The following PLPP3 variants were observed in gnomAD, a reference collection of about 807,000 sequenced individuals.
The protein encoded by PLPP3 is PAP2 beta.
PLPP3 carries 6 observed loss-of-function variants against 29.6 expected under a neutral mutation model. That is an observed-to-expected ratio of 0.20 (90% CI 0.11 to 0.40). The LOEUF is 0.40. Among genes scored for constraint, PLPP3 ranks in the 10% least tolerant of loss-of-function variants. The pLI, the probability that PLPP3 is intolerant of heterozygous loss-of-function variation, is 1.00. For synonymous variants in PLPP3, 152 were observed against 159.7 expected, an observed-to-expected ratio of 0.95 and a Z score of 0.36; for missense variants, 308 against 407.7, an observed-to-expected ratio of 0.76 and a Z score of 2.11.
intron 4 of PLPP3, among the ~76,000 whole-genome samples, chr1:56,523,590 G>A (rs940088328): frequency 6.6e-6 from 1 of 152,152 alleles, no homozygotes; most frequent in African/African-American, 2.4e-5. Flanking sequence ...TGCTTATCAA[G>A]CAGCTATGGC....
chr1:56,524,300 A>G lies in PLPP3; in HGVS notation c.552T>C (p.Asp184=), dbSNP rs779974600. ...ACCTGGCTTCCTGGACTTTGCTGTC[A>G]TCACCTCTGCATCTGTAGTTCTGAA... The part of the protein sequence containing the change: ...GYIQNYRCRG[D]DSKVQEARKS... Residue 184 remains aspartate (D), a synonymous_variant, in exon 3 of 6, where the codon GAT becomes GAC. Transcript: ENST00000371250. This position sits in a 1 kb window ranked among gnomAD's most constrained non-coding sequence, Gnocchi z 4.3. The G allele has an allele frequency of 7.4e-6, 12 of 1,613,712 alleles. No individual in the cohort carries two copies. In the Admixed American group the frequency reaches 2.0e-4, roughly 27 times the overall value.
At chr1:56,517,779 C>T (rs1645791573) in intron 4 of PLPP3, among the ~76,000 whole-genome samples, 1 of 152,228 alleles carries the variant, frequency 6.6e-6, no homozygotes, top group Admixed American at 6.5e-5. Flanking sequence ...GGACAACCTC[C>T]AGGGGACATT....
chr1:56,563,040 T>C (rs998943037), intron 1 of PLPP3, among the ~76,000 whole-genome samples: 6 of 152,242 alleles, frequency 3.9e-5, no homozygotes, highest in Non-Finnish European at 7.3e-5. Context: ...TGGTCCACAG[T>C]GGAGGAAGAG....
At chr1:56,521,463 G>A (rs1273726812) in intron 4 of PLPP3, among the ~76,000 whole-genome samples, 4 of 152,122 alleles carry the variant, frequency 2.6e-5, no homozygotes, top group Non-Finnish European at 5.9e-5. Context: ...TGTGAGTGTT[G>A]AATGTGTGTT....
intron 1 of PLPP3, among the ~76,000 whole-genome samples, chr1:56,564,971 A>G (rs552702180): frequency 6.6e-6 from 1 of 152,250 alleles, no homozygotes; most frequent in Non-Finnish European, 1.5e-5. Context: ...CTTGCTTCCA[A>G]GGAAGACACT....
At chr1:56,516,306 A>G (rs115961060) in intron 4 of PLPP3, among the ~76,000 whole-genome samples, 5 of 152,302 alleles carry the variant, frequency 3.3e-5, no homozygotes, top group Non-Finnish European at 7.4e-5. Context: ...ATCAGTGAGT[A>G]CATTCTGGAG....
intron 2 of PLPP3, among the ~76,000 whole-genome samples, chr1:56,531,636 A>T (rs2100259433): frequency 6.6e-6 from 1 of 152,328 alleles, no homozygotes; most frequent in African/African-American, 2.4e-5. Flanking sequence ...CTAACTAAAT[A>T]AAGAGCACTC....
intron 1 of PLPP3, among the ~76,000 whole-genome samples, chr1:56,569,768 C>A (rs558024893): frequency 6.8e-4 from 104 of 152,156 alleles, no homozygotes; most frequent in Non-Finnish European, 1.3e-3. Flanking sequence ...CCTTTCTTCC[C>A]CCGCACAGTG....
Position 56,579,268 on chromosome 1 carries a change from A to G in PLPP3, c.-252T>C. On this transcript the variant is annotated 5_prime_UTR_variant, in exon 1 of 6. Coordinates refer to ENST00000371250, the MANE Select transcript of PLPP3 (RefSeq NM_003713.5). The stretch of plus-strand genomic sequence containing the variant: ...TAAATCGTTCTAAAGTCCAAGGGGA[A>G]GAGAGCCAGATCCCGAGCAGAAACT... 1 of 461,012 alleles carries G rather than the reference A, an allele frequency of 2.2e-6. No homozygotes were observed. The highest frequency in any genetic ancestry group is 3.8e-6 in the Non-Finnish European group (1 of 263,920). The allele number at this position is 461,012 out of a possible 1,614,324, so 28.6% of individuals were successfully genotyped here. A position where few individuals can be genotyped will look rare whatever the true frequency, so the allele number is the denominator to read the frequency against.
In PLPP3 at chr1:56,495,337, T is replaced by C. The variant is rs545630606; in HGVS notation, c.*1214A>G. On this transcript the variant is annotated 3_prime_UTR_variant, in exon 6 of 6. Coordinates refer to ENST00000371250, the MANE Select transcript of PLPP3 (RefSeq NM_003713.5). ...AGGGGTCCCTGTCTATCACCTAGAGTGGGACCTTGCATGGAAGGACACTTA... is the reference window on the plus strand; with the variant it reads ...AGGGGTCCCTGTCTATCACCTAGAGCGGGACCTTGCATGGAAGGACACTTA... The C allele has an allele frequency of 2.0e-5, 3 of 152,576 alleles. No individual in the cohort carries two copies. In the East Asian group the frequency reaches 5.8e-4, roughly 30 times the overall value. 9.5% of individuals were successfully genotyped at this position (152,576 alleles called of 1,614,324 possible).
At chr1:56,502,126 C>T (rs544262185) in intron 5 of PLPP3, among the ~76,000 whole-genome samples, 2 of 152,254 alleles carry the variant, frequency 1.3e-5, no homozygotes, top group South Asian at 4.2e-4. Flanking sequence ...AGCCAGGTTC[C>T]TCCTTTCATT....
intron 2 of PLPP3, among the ~76,000 whole-genome samples, chr1:56,536,133 C>A (rs1413805286): frequency 6.6e-6 from 1 of 152,146 alleles, no homozygotes; most frequent in Non-Finnish European, 1.5e-5. Context: ...GTATAGCGGG[C>A]TCCTTTGAAG....
chr1:56,575,762 G>A (rs1031802711), intron 1 of PLPP3, among the ~76,000 whole-genome samples: 3 of 152,036 alleles, frequency 2.0e-5, no homozygotes, highest in Non-Finnish European at 4.4e-5. Context: ...TATTCATAGG[G>A]GTTGCATTAA....
At chr1:56,543,071 CAG>C (rs1645980995) in intron 1 of PLPP3, among the ~76,000 whole-genome samples, 1 of 150,904 alleles carries the variant, frequency 6.6e-6, no homozygotes, top group Admixed American at 6.6e-5. Flanking sequence ...ACCTACAGTA[CAG>C]AGTTATGAGT....
chr1:56,554,061 C>CA (rs963071312), intron 1 of PLPP3, among the ~76,000 whole-genome samples: 2 of 146,794 alleles, frequency 1.4e-5, no homozygotes, highest in African/African-American at 5.2e-5. Context: ...TTTTCCCCCC[C>CA]ACTTTGGCTT....
At chr1:56,512,330 G>T in intron 4 of PLPP3, 178 bp from the exon 5 acceptor site, 1 of 588,854 alleles carries the variant, frequency 1.7e-6, no homozygotes, top group Non-Finnish European at 2.8e-6. Context: ...TGCTGAGCCT[G>T]GCTAGGCACG....
intron 4 of PLPP3, chr1:56,513,301 C>CA (rs1376005822): frequency 6.6e-6 from 1 of 152,636 alleles, no homozygotes; most frequent in Admixed American, 6.5e-5. Flanking sequence ...AACCTCTGGG[C>CA]ACAACCTATT....
chr1:56,550,107 T>A (rs1194455835), intron 1 of PLPP3, among the ~76,000 whole-genome samples: 4 of 152,176 alleles, frequency 2.6e-5, no homozygotes, highest in Non-Finnish European at 1.5e-5. Context: ...CTTTAGGTAC[T>A]TTTAACTGGA....
chr1:56,559,130 G>A (rs1357221532), intron 1 of PLPP3, among the ~76,000 whole-genome samples: 1 of 152,178 alleles, frequency 6.6e-6, no homozygotes, highest in East Asian at 1.9e-4. Context: ...AGGGGGTAGG[G>A]TGAGCAGAAA....
Sources: gnomAD v4.1 joint callset for allele counts (sites outside exome capture counted in the v4.1 genomes callset) on GRCh38, gnomAD v4.1.1 for gene constraint, Gnocchi (gnomAD v3.1) non-coding constraint, MANE v1.5 for transcripts, NCBI Gene and HGNC (gene_info 2026-07-23, HGNC 2026-07-21) for gene names.